Variants in HEXA observed in about 807,000 individuals in gnomAD.
HEXA encodes hexosaminidase subunit alpha, also known as beta-hexosaminidase subunit alpha.
In HEXA, 54 loss-of-function variants were observed where a neutral mutation model predicts 73.3. That is an observed-to-expected ratio of 0.74 (90% confidence interval 0.59 to 0.92). The LOEUF (loss-of-function observed/expected upper bound fraction) is 0.92, where lower values mean the gene tolerates loss of function less well. Ranked by LOEUF, HEXA falls within the 40% of genes least tolerant of loss-of-function variation. The pLI, the probability that HEXA is intolerant of heterozygous loss-of-function variation, is 0.00. For missense variants in HEXA, 649 were observed against 653.0 expected (o/e 0.99, Z 0.07); for synonymous variants, 230 against 246.9 (o/e 0.93, Z 0.64).
chr15:72,365,359 A>T (rs1266784180), intron 1 of HEXA, among the ~76,000 whole-genome samples: 1 of 152,218 alleles, frequency 6.6e-6, no homozygotes, highest in Admixed American at 6.5e-5. Context: ...TTGGCCTCCC[A>T]AAGTGCTGGG....
rs767500499 is a variant in HEXA, at chr15:72,375,906, G to C, written c.67C>G (p.Leu23Val). 6.2e-7 allele frequency: 1 copy of C among 1,614,124 alleles called. No homozygotes were observed. The highest frequency in any genetic ancestry group is 1.3e-5 in the African/African-American group (1 of 74,952). Residue 23 changes from leucine to valine, a missense_variant, in exon 1 of 14, where the codon CTC (leucine) becomes GTC (valine). Coordinates refer to ENST00000268097, the MANE Select transcript of HEXA (RefSeq NM_000520.6). ...TGGAAGTTCTGAGGCCAGGGCCAGA[G>C]GGCCGTCGCCCGTCCTGCGAACGCT... ...AAAFAGRATA[L>V]WPWPQNFQTS... is the part of the protein sequence containing the mutation.
In HEXA at chr15:72,364,173, G is replaced by A. The variant is rs946423574; in HGVS notation, c.254-7556C>T. On this transcript the variant is annotated intron_variant, in intron 1 of 13. Coordinates refer to ENST00000268097, the MANE Select transcript of HEXA (RefSeq NM_000520.6). Reference sequence around the variant, plus strand: ...TAAACCCAGCTACTTGGGAGGCTGCGGCAGGAGAATCACTTGAACCTGGGA... The same window carrying A: ...TAAACCCAGCTACTTGGGAGGCTGCAGCAGGAGAATCACTTGAACCTGGGA... 1.8e-4 allele frequency among the ~76,000 whole-genome samples: 27 copies of A among 152,056 alleles called. 2 individuals are homozygous for A. The highest frequency in any genetic ancestry group is 1.5e-3 in the South Asian group (7 of 4,822).
Position 72,343,781 on chromosome 15 carries a change from G to A in HEXA, c.*296C>T. Reference sequence around the variant, plus strand: ...ACAAAGGCTATAGGTTTCATTCCCAGCCCTCAACTTAAAAGACCTCAGGGG... The same window carrying A: ...ACAAAGGCTATAGGTTTCATTCCCAACCCTCAACTTAAAAGACCTCAGGGG... On this transcript the variant is annotated 3_prime_UTR_variant, in exon 14 of 14. Transcript: ENST00000268097. 2.5e-6 allele frequency: 1 copy of A among 400,862 alleles called. No homozygotes were observed. The highest frequency in any genetic ancestry group is 3.6e-5 in the Admixed American group (1 of 27,810). 24.8% of individuals were successfully genotyped at this position (400,862 alleles called of 1,614,324 possible). A position where few individuals can be genotyped will look rare whatever the true frequency, so the allele number is the denominator to read the frequency against.
intron 3 of HEXA, 79 bp from the exon 4 acceptor site, chr15:72,353,816 A>C: frequency 9.6e-7 from 1 of 1,042,244 alleles, no homozygotes; most frequent in Admixed American, 1.7e-5. Context: ...TTCTCAATGT[A>C]GCAGAGCATA....
rs1374181102 is a variant in HEXA at position 72,349,089 on chromosome 15, A to G, written c.976T>C (p.Phe326Leu). 8 of 1,613,856 alleles carry G rather than the reference A, an allele frequency of 5.0e-6. No homozygotes were observed. Among genetic ancestry groups the G allele is most frequent in the African/African-American group, 1.3e-5 (1 of 75,046 alleles). The change falls in exon 8 of 14, where the codon TTC (phenylalanine) becomes CTC (leucine). Residue 326 changes from phenylalanine to leucine, a missense_variant. By Grantham distance (22) the Phe-to-Leu change is conservative. Coordinates refer to ENST00000268097, the MANE Select transcript of HEXA (RefSeq NM_000520.6). ...TCAAAGGGCTCATACCAGCAGGTGA[A>G]ATCAACCTCATCTCCTCCAAGATGA... The part of the protein sequence containing the change: ...YLHLGGDEVD[F>L]TCWKSNPEIQ...
rs55995352 is a variant in HEXA, at chr15:72,355,769, C to T, written c.347-145G>A. 8.3e-4 allele frequency: 556 copies of T among 672,108 alleles called. 2 individuals carry two copies. Among genetic ancestry groups the T allele is most frequent in the Middle Eastern group, 2.0e-3 (8 of 3,990 alleles). 41.6% of individuals were successfully genotyped at this position (672,108 alleles called of 1,614,324 possible). On this transcript the variant is annotated intron_variant, in intron 2 of 13. Transcript: ENST00000268097. The stretch of plus-strand genomic sequence containing the variant: ...AAAAAATCTTTCAATGAGGAGATGT[C>T]CCCAGAGCAAGACAGCTGTAGGATG...
chr15:72,359,650 T>G (rs2088826931), intron 1 of HEXA: 1 of 118,358 alleles, frequency 8.4e-6, no homozygotes. Context: ...GAGCAGAGAC[T>G]GCACCACTGC....
At chr15:72,353,652 G>C (rs1183837730) in intron 4 of HEXA, 39 bp downstream of exon 4, 1 of 1,514,054 alleles carries the variant, frequency 6.6e-7, no homozygotes, top group Non-Finnish European at 9.2e-7. Flanking sequence ...TCCAACCCCA[G>C]AGATGAAAAA....
intron 1 of HEXA, among the ~76,000 whole-genome samples, chr15:72,364,760 A>T (rs1381252288): frequency 6.6e-6 from 1 of 152,070 alleles, no homozygotes; most frequent in Non-Finnish European, 1.5e-5. Context: ...AGCTGGATTT[A>T]AAAAAACACA....
chr15:72,354,065 A>C, intron 3 of HEXA: 1 of 385,246 alleles, frequency 2.6e-6, no homozygotes, highest in Non-Finnish European at 4.8e-6. Flanking sequence ...CAAGACATAT[A>C]CTCATGAGGA....
intron 1 of HEXA, chr15:72,358,817 T>C (rs1345973628): frequency 6.6e-6 from 1 of 152,136 alleles, no homozygotes; most frequent in Non-Finnish European, 1.5e-5. Flanking sequence ...CACTAGGTCA[T>C]TGTAAAGGAT....
chr15:72,350,671 T>A (rs2088683137), intron 6 of HEXA, 21 bp from the exon 7 acceptor site: 3 of 1,613,818 alleles, frequency 1.9e-6, no homozygotes, highest in Non-Finnish European at 2.5e-6. Context: ...CAAGACACCC[T>A]TCAGGTTCAC....
intron 2 of HEXA, chr15:72,355,871 G>A (rs1443292635): frequency 6.9e-6 from 4 of 576,540 alleles, no homozygotes; most frequent in Non-Finnish European, 1.3e-5. Flanking sequence ...TACAGCAAGA[G>A]TCAGGCTGGA....
intron 2 of HEXA, 52 bp from the exon 3 acceptor site, chr15:72,355,676 G>T: frequency 8.6e-7 from 1 of 1,158,840 alleles, no homozygotes; most frequent in Non-Finnish European, 1.3e-6. Flanking sequence ...TCTATTCTCA[G>T]ATTATAGACC....
At chr15:72,347,890 T>C in intron 9 of HEXA, 132 bp from the exon 10 acceptor site, 1 of 1,038,340 alleles carries the variant, frequency 9.6e-7, no homozygotes. Flanking sequence ...TCCCCTGGGC[T>C]GAAAACCAAC....
chr15:72,352,269 C>A (rs1299044596), intron 5 of HEXA, among the ~76,000 whole-genome samples: 1 of 151,874 alleles, frequency 6.6e-6, no homozygotes, highest in Non-Finnish European at 1.5e-5. Flanking sequence ...CAAGTTAAGG[C>A]TTTGAACGTC....
At chr15:72,348,330 A>G (rs1156424176) in intron 8 of HEXA, among the ~76,000 whole-genome samples, 196 bp from the exon 9 acceptor site, 6 of 152,226 alleles carry the variant, frequency 3.9e-5, no homozygotes, top group Non-Finnish European at 7.3e-5. Flanking sequence ...ACACAGGCTG[A>G]GAAAGGCTGA....
intron 1 of HEXA, among the ~76,000 whole-genome samples, chr15:72,368,866 G>T (rs2088950678): frequency 1.3e-5 from 2 of 152,180 alleles, no homozygotes; most frequent in Admixed American, 1.3e-4. Context: ...CAAGGACAAG[G>T]TTGAACAAAC....
chr15:72,356,917 G>A, intron 1 of HEXA: 1 of 475,548 alleles, frequency 2.1e-6, no homozygotes, highest in Non-Finnish European at 3.9e-6. Flanking sequence ...ACAACTCCAT[G>A]ACCTCAACAA....
Sources: allele counts gnomAD v4.1 joint callset (sites outside exome capture counted in the v4.1 genomes callset), GRCh38; gene constraint gnomAD v4.1.1; transcripts MANE v1.5; gene names NCBI Gene and HGNC (gene_info 2026-07-23, HGNC 2026-07-21).